Variants in BNC2 observed in about 807,000 individuals in gnomAD.
The protein encoded by BNC2 is basonuclin zinc finger protein 2, also known as zinc finger protein basonuclin-2.
Under a neutral mutation model 76.3 loss-of-function variants are expected in BNC2, and 20 were observed. The ratio of observed to expected loss-of-function variants is 0.26; its 90% CI spans 0.18 to 0.38. The LOEUF is 0.38. Among genes scored for constraint, BNC2 ranks in the 10% least tolerant of loss-of-function variants. The pLI, the probability that BNC2 is intolerant of heterozygous loss-of-function variation, is 1.00. For missense variants in BNC2, 1,382 were observed against 1,399.8 expected (o/e 0.99, Z 0.20); for synonymous variants, 582 against 514.8 (o/e 1.13, Z -1.77).
At chr9:16,799,151 T>C (rs1490482843) in intron 1 of BNC2, among the ~76,000 whole-genome samples, 1 of 151,970 alleles carries the variant, frequency 6.6e-6, no homozygotes, top group Non-Finnish European at 1.5e-5. Flanking sequence ...AGTAATACAC[T>C]CTAGCTGTAG....
At position 16,792,477 on chromosome 9, in the gene BNC2, T is replaced by C. The variant is rs7849425; in HGVS notation, c.4-53992A>G. Among the ~76,000 whole-genome samples, 996 of 152,294 alleles carry C rather than the reference T, an allele frequency of 6.5e-3. 4 individuals are homozygous for C. The highest frequency in any genetic ancestry group is 0.015 in the African/African-American group (626 of 41,558). ...CCTGATTCATATAATTCAAAGATCATTGCCAGTTAGTTCTGCTGGGAAATT... is the reference window on the plus strand; with the variant it reads ...CCTGATTCATATAATTCAAAGATCACTGCCAGTTAGTTCTGCTGGGAAATT... On this transcript the variant is annotated intron_variant, in intron 1 of 6. Coordinates refer to ENST00000380672, the MANE Select transcript of BNC2 (RefSeq NM_017637.6).
chr9:16,742,621 G>C (rs1338973047), intron 1 of BNC2, among the ~76,000 whole-genome samples: 2 of 152,150 alleles, frequency 1.3e-5, no homozygotes, highest in African/African-American at 4.8e-5. Flanking sequence ...CTGTCATAGA[G>C]CTTTATAAAG....
chr9:16,773,616 G>A lies in BNC2; in HGVS notation c.4-35131C>T, dbSNP rs779354959. Among the ~76,000 whole-genome samples, 5 of 151,894 alleles carry A rather than the reference G, an allele frequency of 3.3e-5. No homozygotes were observed. In the East Asian group the frequency reaches 5.8e-4, roughly 18 times the overall value. The stretch of plus-strand genomic sequence containing the variant: ...GAAATTCCAACTCACATTGACAGCC[G>A]CTGAGATAAAGGGGCTTGTCGCTAC... On this transcript the variant is annotated intron_variant, in intron 1 of 6. Coordinates refer to ENST00000380672, the MANE Select transcript of BNC2 (RefSeq NM_017637.6).
intron 1 of BNC2, among the ~76,000 whole-genome samples, chr9:16,752,129 T>A (rs1232555243): frequency 6.6e-6 from 1 of 152,332 alleles, no homozygotes; most frequent in Non-Finnish European, 1.5e-5. Context: ...TTTAAGAAAT[T>A]ACGTCTTTTA....
chr9:16,527,999 T>C (rs1377408239), intron 5 of BNC2, among the ~76,000 whole-genome samples: 1 of 152,224 alleles, frequency 6.6e-6, no homozygotes, highest in African/African-American at 2.4e-5. Flanking sequence ...TTATAATTTT[T>C]CCTGAGGGCT....
In BNC2 at chr9:16,593,928, C is replaced by T. The variant is rs145524672; in HGVS notation, c.331-10843G>A. 2.3e-3 allele frequency among the ~76,000 whole-genome samples: 357 copies of T among 152,156 alleles called. 1 individual carries two copies. The highest frequency in any genetic ancestry group is 8.0e-3 in the African/African-American group (334 of 41,514). On this transcript the variant is annotated intron_variant, in intron 3 of 6. Transcript: ENST00000380672. The stretch of plus-strand genomic sequence containing the variant: ...TCTGATGATGCTAAGTAATAATAAT[C>T]TCATTTCATCTTAATGTTGAATCAG...
rs139647514 is a variant in BNC2, at chr9:16,745,615, T to C, written c.4-7130A>G. On this transcript the variant is annotated intron_variant, in intron 1 of 6. Transcript: ENST00000380672. The stretch of plus-strand genomic sequence containing the variant: ...ATGATGCCTGGCCTACAAGCATCCA[T>C]TAGCATATATGGAGAGTTCATTCAC... 1.6e-3 allele frequency among the ~76,000 whole-genome samples: 247 copies of C among 152,290 alleles called. 1 individual carries two copies. The highest frequency in any genetic ancestry group is 8.0e-3 in the Admixed American group (123 of 15,302).
Position 16,421,592 on chromosome 9 carries a change from G to C in BNC2, c.2640-1943C>G, listed in dbSNP as rs144139174. Among the ~76,000 whole-genome samples, 758 of 152,282 alleles carry C rather than the reference G, an allele frequency of 5.0e-3. 1 individual carries two copies. The highest frequency in any genetic ancestry group is 6.9e-3 in the Non-Finnish European group (472 of 68,014). On this transcript the variant is annotated intron_variant, in intron 6 of 6. Coordinates refer to ENST00000380672, the MANE Select transcript of BNC2 (RefSeq NM_017637.6). Reference sequence around the variant, plus strand: ...AATGAGTTCTAAACAGATGCATGCAGTGTGTGGGTATGTGAATGATAAACA... The same window carrying C: ...AATGAGTTCTAAACAGATGCATGCACTGTGTGGGTATGTGAATGATAAACA...
chr9:16,688,826 G>T (rs1823058198), intron 3 of BNC2, among the ~76,000 whole-genome samples: 1 of 152,124 alleles, frequency 6.6e-6, no homozygotes, highest in African/African-American at 2.4e-5. Flanking sequence ...CAGAGGCCTT[G>T]AAAGGGACCC....
intron 4 of BNC2, among the ~76,000 whole-genome samples, chr9:16,562,488 G>C (rs1056721002): frequency 4.6e-5 from 7 of 152,108 alleles, no homozygotes; most frequent in African/African-American, 1.7e-4. Context: ...CAGAAACTAT[G>C]TTTATCATTT....
In BNC2 at chr9:16,436,158, T is replaced by A; in HGVS notation, c.2036A>T (p.Gln679Leu). The A allele has an allele frequency of 6.2e-7, 1 of 1,614,192 alleles. No homozygotes were observed. Residue 679 changes from glutamine (Q) to leucine (L), a missense_variant, in exon 6 of 7, where the codon CAA becomes CTA. By Grantham distance (113) the Gln-to-Leu change is moderately radical (BLOSUM62 -2). Coordinates refer to ENST00000380672, the MANE Select transcript of BNC2 (RefSeq NM_017637.6). ...AGACATGCCTGGGCTCATCTCCTCTTGGGAGTGACAATGATTGTCATGGCT... is the reference window on the plus strand; with the variant it reads ...AGACATGCCTGGGCTCATCTCCTCTAGGGAGTGACAATGATTGTCATGGCT... ...DMSHDNHCHSQEEMSPGMSVK... is the reference protein window; with the variant it reads ...DMSHDNHCHSLEEMSPGMSVK...
chr9:16,848,060 AT>A (rs1346382032), intron 1 of BNC2, among the ~76,000 whole-genome samples: 2 of 152,218 alleles, frequency 1.3e-5, no homozygotes, highest in Non-Finnish European at 2.9e-5. Context: ...ACACAACAAA[AT>A]TCAAACTCTT....
At chr9:16,589,701 G>T (rs1038404276) in intron 3 of BNC2, among the ~76,000 whole-genome samples, 1 of 151,758 alleles carries the variant, frequency 6.6e-6, no homozygotes, top group African/African-American at 2.4e-5. Flanking sequence ...GTAGAGACAG[G>T]GTTTCACCAT....
In BNC2 at chr9:16,820,939, A is replaced by T. The variant is rs1818312519; in HGVS notation, c.3+49707T>A. 3.3e-5 allele frequency among the ~76,000 whole-genome samples: 5 copies of T among 152,268 alleles called. No homozygotes were observed. In the South Asian group the frequency reaches 1.0e-3, roughly 32 times the overall value. On this transcript the variant is annotated intron_variant, in intron 1 of 6. Transcript: ENST00000380672. ...GATTCAAGTAGGCCAGGCGCAGTGT[A>T]ATCCCAGAACTTTGGGAGGCCGAGG...
At chr9:16,644,000 T>C (rs576791138) in intron 3 of BNC2, among the ~76,000 whole-genome samples, 1 of 152,280 alleles carries the variant, frequency 6.6e-6, no homozygotes, top group South Asian at 2.1e-4. Context: ...ACGCCTGTAA[T>C]AAGTACCCCA....
At chr9:16,788,353 A>T (rs541694321) in intron 1 of BNC2, among the ~76,000 whole-genome samples, 30 of 151,700 alleles carry the variant, frequency 2.0e-4, no homozygotes, top group African/African-American at 2.9e-4. Flanking sequence ...GGAGATCGAG[A>T]CCATCCTGGC....
intron 3 of BNC2, among the ~76,000 whole-genome samples, chr9:16,712,682 C>T (rs1823884337): frequency 6.6e-6 from 1 of 152,144 alleles, no homozygotes; most frequent in African/African-American, 2.4e-5. Context: ...TCATTAAGAT[C>T]CCTTTTGAAA....
intron 5 of BNC2, among the ~76,000 whole-genome samples, chr9:16,465,434 C>CAGAAAAAA: frequency 1.2e-5 from 1 of 84,290 alleles, no homozygotes; most frequent in Non-Finnish European, 2.3e-5. Flanking sequence ...ACTCCAACTC[C>CAGAAAAAA]AAAAAAAAAA....
At chr9:16,580,668 T>C (rs554749486) in intron 4 of BNC2, among the ~76,000 whole-genome samples, 32 of 152,276 alleles carry the variant, frequency 2.1e-4, no homozygotes, top group African/African-American at 7.5e-4. Flanking sequence ...CAGTTAACTT[T>C]TATACTCCAA....
Sources: gnomAD v4.1 joint callset for allele counts (sites outside exome capture counted in the v4.1 genomes callset) on GRCh38, gnomAD v4.1.1 for gene constraint, MANE v1.5 for transcripts, NCBI Gene and HGNC (gene_info 2026-07-23, HGNC 2026-07-21) for gene names.